The following TAFA1 variants were observed in gnomAD, a reference collection of about 807,000 sequenced individuals.
The protein encoded by TAFA1 is TAFA chemokine like family member 1.
A neutral mutation model predicts 18.5 loss-of-function variants in TAFA1; 4 were observed. The ratio of observed to expected loss-of-function variants is 0.22; its 90% CI spans 0.11 to 0.49. The LOEUF (loss-of-function observed/expected upper bound fraction) is 0.49. Ranked by LOEUF, TAFA1 falls within the 20% of genes least tolerant of loss-of-function variation. The pLI, the probability that TAFA1 is intolerant of heterozygous loss-of-function variation, is 0.98. For synonymous variants in TAFA1, 56 were observed against 55.2 expected (o/e 1.01, Z -0.06); for missense variants, 147 against 169.0 (o/e 0.87, Z 0.72).
chr3:68,499,453 T>C (rs938346125), intron 3 of TAFA1, among the ~76,000 whole-genome samples: 1 of 149,404 alleles, frequency 6.7e-6, no homozygotes, highest in Non-Finnish European at 1.5e-5. Flanking sequence ...TTTCTTTTTT[T>C]TTTTTTTTTT....
At chr3:68,084,822 C>A (rs1005994220) in intron 2 of TAFA1, among the ~76,000 whole-genome samples, 69 of 151,048 alleles carry the variant, frequency 4.6e-4, no homozygotes, top group African/African-American at 1.4e-3. Context: ...ACCAAAAAAA[C>A]CAAATAACAA....
At chr3:68,387,288 A>G (rs2070126388) in intron 2 of TAFA1, among the ~76,000 whole-genome samples, 1 of 152,134 alleles carries the variant, frequency 6.6e-6, no homozygotes, top group African/African-American at 2.4e-5. Flanking sequence ...TCTAAATGGC[A>G]GTCTATAGCT....
intron 2 of TAFA1, among the ~76,000 whole-genome samples, chr3:68,171,932 A>G (rs1331537112): frequency 1.3e-5 from 2 of 152,118 alleles, no homozygotes; most frequent in African/African-American, 4.8e-5. Flanking sequence ...ATGAGGGAAA[A>G]TGAACAGAAA....
At chr3:68,342,247 G>T (rs945100462) in intron 2 of TAFA1, among the ~76,000 whole-genome samples, 5 of 152,202 alleles carry the variant, frequency 3.3e-5, no homozygotes, top group Non-Finnish European at 7.3e-5. Flanking sequence ...CAGTTTGGAA[G>T]TAAATGTAAG....
At chr3:68,139,909 G>A (rs2065649917) in intron 2 of TAFA1, among the ~76,000 whole-genome samples, 2 of 152,312 alleles carry the variant, frequency 1.3e-5, no homozygotes, top group African/African-American at 2.4e-5. Flanking sequence ...ATTGGGTAAT[G>A]TCAAAGAACC....
At chr3:68,269,205 G>A (rs919180798) in intron 2 of TAFA1, among the ~76,000 whole-genome samples, 1 of 152,190 alleles carries the variant, frequency 6.6e-6, no homozygotes, top group Non-Finnish European at 1.5e-5. Context: ...TGTAATCCCA[G>A]TGCTTTGGGA....
At chr3:68,331,958 G>T (rs62245785) in intron 2 of TAFA1, among the ~76,000 whole-genome samples, 1 of 140,426 alleles carries the variant, frequency 7.1e-6, no homozygotes, top group Admixed American at 7.7e-5. Flanking sequence ...CTGCCTCCCG[G>T]GTTCACGCCA....
intron 2 of TAFA1, among the ~76,000 whole-genome samples, chr3:68,064,912 AT>A: frequency 6.6e-6 from 1 of 152,186 alleles, no homozygotes; most frequent in Middle Eastern, 3.4e-3. Flanking sequence ...TGAGAAAAAA[AT>A]AAACTAATTG....
chr3:68,529,436 TAAAAAAAAAAA>T (rs533214097), intron 3 of TAFA1, among the ~76,000 whole-genome samples: 1 of 77,050 alleles, frequency 1.3e-5, no homozygotes, highest in Non-Finnish European at 2.5e-5. Context: ...CACCATTCTC[TAAAAAAAAAAA>T]AAAAAAAAAA....
intron 2 of TAFA1, among the ~76,000 whole-genome samples, chr3:68,225,936 A>G (rs112093959): frequency 2.6e-5 from 4 of 152,148 alleles, no homozygotes. Context: ...CAATATGGAG[A>G]GATAAGATTT....
chr3:68,329,496 T>C (rs1163941992), intron 2 of TAFA1, among the ~76,000 whole-genome samples: 1 of 152,112 alleles, frequency 6.6e-6, no homozygotes, highest in African/African-American at 2.4e-5. Context: ...CTTTACTCAG[T>C]GTGGTGATGG....
chr3:68,176,768 G>A (rs1395903431), intron 2 of TAFA1, among the ~76,000 whole-genome samples: 1 of 152,134 alleles, frequency 6.6e-6, no homozygotes, highest in Non-Finnish European at 1.5e-5. Flanking sequence ...TCATTAGAAT[G>A]GTGTCACCAG....
chr3:68,129,585 A>T (rs963166589), intron 2 of TAFA1, among the ~76,000 whole-genome samples: 1 of 152,202 alleles, frequency 6.6e-6, no homozygotes, highest in Non-Finnish European at 1.5e-5. Context: ...CCTAGGCAAG[A>T]TGCTGGTTCC....
chr3:68,051,007 A>G (rs970267952), intron 2 of TAFA1, among the ~76,000 whole-genome samples: 1 of 152,186 alleles, frequency 6.6e-6, no homozygotes, highest in African/African-American at 2.4e-5. Flanking sequence ...TACTAAAAGT[A>G]CAGTCTATGT....
intron 2 of TAFA1, among the ~76,000 whole-genome samples, chr3:68,287,884 A>G (rs2068039442): frequency 9.6e-6 from 1 of 103,868 alleles, no homozygotes; most frequent in South Asian, 3.5e-4. Context: ...TCAGGTCTGG[A>G]GGATTTTGCT....
intron 2 of TAFA1, among the ~76,000 whole-genome samples, chr3:68,070,010 A>G (rs2064732294): frequency 6.6e-6 from 1 of 152,150 alleles, no homozygotes. Flanking sequence ...CGCATGGTGC[A>G]AGGTGTCAGT....
chr3:68,308,191 T>C (rs908797968), intron 2 of TAFA1, among the ~76,000 whole-genome samples: 2 of 152,170 alleles, frequency 1.3e-5, no homozygotes, highest in Admixed American at 6.6e-5. Flanking sequence ...GAAGGCTTTA[T>C]ACTGAAGGTA....
At chr3:68,495,571 T>C (rs528778389) in intron 3 of TAFA1, among the ~76,000 whole-genome samples, 4 of 152,278 alleles carry the variant, frequency 2.6e-5, no homozygotes, top group South Asian at 4.2e-4. Flanking sequence ...GTACGTTTCA[T>C]TGATTTTAGT....
At chr3:68,514,840 GT>G (rs1457728822) in intron 3 of TAFA1, among the ~76,000 whole-genome samples, 3 of 152,264 alleles carry the variant, frequency 2.0e-5, no homozygotes, top group African/African-American at 7.2e-5. Context: ...GATTGTTCCA[GT>G]TTTTAGTTGT....
Sources: allele counts gnomAD v4.1 joint callset (sites outside exome capture counted in the v4.1 genomes callset), GRCh38; gene constraint gnomAD v4.1.1; transcripts MANE v1.5; gene names NCBI Gene and HGNC (gene_info 2026-07-23, HGNC 2026-07-21).